The following ADAMTS6 variants were observed in gnomAD, a reference collection of about 807,000 sequenced individuals.
ADAMTS6 encodes A disintegrin and metalloproteinase with thrombospondin motifs 6.
In ADAMTS6, 23 loss-of-function variants were observed where a neutral mutation model predicts 144.3. That is an observed-to-expected ratio of 0.16 (90% confidence interval 0.11 to 0.23). The LOEUF (loss-of-function observed/expected upper bound fraction) is 0.23. Among genes scored for constraint, ADAMTS6 ranks in the 10% least tolerant of loss-of-function variants. ADAMTS6 has a pLI of 1.00. For synonymous variants in ADAMTS6, 444 were observed against 457.5 expected (o/e 0.97, Z 0.38); for missense variants, 999 against 1,379.6 (o/e 0.72, Z 4.37).
intron 21 of ADAMTS6, among the ~76,000 whole-genome samples, chr5:65,194,170 T>G (rs1417847654): frequency 6.6e-6 from 1 of 152,224 alleles, no homozygotes; most frequent in Non-Finnish European, 1.5e-5. Flanking sequence ...CAATGTCAAC[T>G]GGGAATCTCA....
chr5:65,180,704 T>TA (rs11444095), intron 22 of ADAMTS6, among the ~76,000 whole-genome samples: 28,097 of 150,606 alleles, frequency 0.19, 4,865 homozygotes, highest in African/African-American at 0.46. Flanking sequence ...CATTTTGATT[T>TA]AAAAAAAAAA....
chr5:65,422,403 G>A (rs140910114), intron 7 of ADAMTS6, among the ~76,000 whole-genome samples: 112 of 152,298 alleles, frequency 7.4e-4, no homozygotes, highest in East Asian at 3.3e-3. Flanking sequence ...AGTCCAAGGC[G>A]GGCGGATCAC....
intron 24 of ADAMTS6, among the ~76,000 whole-genome samples, chr5:65,162,330 G>A (rs1752825869): frequency 6.6e-6 from 1 of 152,116 alleles, no homozygotes; most frequent in Non-Finnish European, 1.5e-5. Flanking sequence ...CAATGACTTA[G>A]GCTTAATCTA....
chr5:65,443,622 C>CAAAAAA lies in ADAMTS6; in HGVS notation c.1073+7847_1073+7852dup, dbSNP rs59240974. On this transcript the variant is annotated intron_variant, in intron 7 of 24. Transcript: ENST00000381055. ...TAGGCAACAGAGTGAGACCCTGTCT[C>CAAAAAA]AAAAAAAAAAAAAAAAAAAAAAAAA... Among the ~76,000 whole-genome samples the CAAAAAA allele has an allele frequency of 1.0e-4, 7 of 69,122 alleles. 1 individual carries two copies. Among genetic ancestry groups the CAAAAAA allele is most frequent in the Admixed American group, 3.7e-4 (2 of 5,460 alleles). 45.3% of individuals were successfully genotyped at this position (69,122 alleles called of 152,430 possible).
intron 20 of ADAMTS6, among the ~76,000 whole-genome samples, chr5:65,199,340 A>C (rs2112238494): frequency 6.6e-6 from 1 of 152,288 alleles, no homozygotes; most frequent in Admixed American, 6.5e-5. Context: ...TCTTTCTCTA[A>C]CTTAACCCTA....
chr5:65,169,743 G>A (rs1753478364), intron 24 of ADAMTS6, among the ~76,000 whole-genome samples: 1 of 151,672 alleles, frequency 6.6e-6, no homozygotes, highest in South Asian at 2.1e-4. Flanking sequence ...GTAGGGACAT[G>A]GATGAAATTG....
intron 1 of ADAMTS6, 21 bp downstream of exon 1, chr5:65,481,322 A>G (rs917577300): frequency 5.3e-5 from 8 of 151,952 alleles, no homozygotes; most frequent in African/African-American, 1.9e-4. Context: ...GCTCCATTGA[A>G]TATTGTTAAG....
intron 20 of ADAMTS6, among the ~76,000 whole-genome samples, chr5:65,209,651 A>G (rs1756359761): frequency 6.6e-6 from 1 of 152,198 alleles, no homozygotes; most frequent in Non-Finnish European, 1.5e-5. Flanking sequence ...ATTGCTCCCA[A>G]ACTCAATTAA....
intron 9 of ADAMTS6, among the ~76,000 whole-genome samples, chr5:65,310,427 G>A (rs187521407): frequency 6.0e-4 from 92 of 152,296 alleles, no homozygotes; most frequent in African/African-American, 2.2e-3. Flanking sequence ...ATGGGAGGCT[G>A]AGGCAGAAGG....
chr5:65,275,206 T>C (rs1580262849), intron 11 of ADAMTS6, among the ~76,000 whole-genome samples: 1 of 87,780 alleles, frequency 1.1e-5, no homozygotes, highest in East Asian at 3.4e-4. Context: ...AGAATGAGGC[T>C]CTGTGTCAAA....
intron 7 of ADAMTS6, among the ~76,000 whole-genome samples, chr5:65,432,677 T>G (rs558507386): frequency 6.6e-6 from 1 of 152,286 alleles, no homozygotes; most frequent in Admixed American, 6.5e-5. Context: ...TTGTTGAGTT[T>G]GTTTTAACAT....
rs1463203859 is a variant in ADAMTS6, at chr5:65,452,114, T to C, written c.927+19A>G. ...CCTTCTGTTAACAATCTTAGATATATAAACTAACTCATTCTTACCTGATCT... is the reference window on the plus strand; with the variant it reads ...CCTTCTGTTAACAATCTTAGATATACAAACTAACTCATTCTTACCTGATCT... On this transcript the variant is annotated intron_variant, in intron 6 of 24. Coordinates refer to ENST00000381055, the MANE Select transcript of ADAMTS6 (RefSeq NM_197941.4). 2 of 1,587,782 alleles carry C rather than the reference T, an allele frequency of 1.3e-6. No individual in the cohort carries two copies. Among genetic ancestry groups the C allele is most frequent in the African/African-American group, 2.7e-5 (2 of 74,482 alleles).
chr5:65,373,431 C>A (rs1371629879), intron 7 of ADAMTS6, among the ~76,000 whole-genome samples: 3 of 150,272 alleles, frequency 2.0e-5, no homozygotes, highest in Non-Finnish European at 4.4e-5. Context: ...GGGATATCAC[C>A]ACCGATCCCA....
chr5:65,469,255 G>A (rs1189207629), intron 3 of ADAMTS6, among the ~76,000 whole-genome samples: 4 of 151,970 alleles, frequency 2.6e-5, no homozygotes, highest in Non-Finnish European at 4.4e-5. Context: ...CATAGTCTTC[G>A]AATAGGCCCT....
At chr5:65,247,543 C>T (rs1326842763) in intron 14 of ADAMTS6, among the ~76,000 whole-genome samples, 1 of 152,080 alleles carries the variant, frequency 6.6e-6, no homozygotes, top group African/African-American at 2.4e-5. Context: ...CCCCAAAACT[C>T]TTACCTTCAA....
In ADAMTS6 at chr5:65,273,353, T is replaced by C. The variant is rs1316927270; in HGVS notation, c.1607A>G (p.Asn536Ser). Reference sequence around the variant, plus strand: ...CATTGAGCTTACCCCTTTTTCAATATTCCCAGTTTGACACAGTGTCCCCTC... The same window carrying C: ...CATTGAGCTTACCCCTTTTTCAATACTCCCAGTTTGACACAGTGTCCCCTC... The part of the protein sequence containing the change: ...AAEGTLCQTG[N>S]IEKGWCYQGD... Residue 536 changes from asparagine to serine, a missense_variant, in exon 12 of 25, where the codon AAT becomes AGT. Around this residue, in one of 3 missense-constraint regions of ADAMTS6, gnomAD observed 619 missense variants for 837.0 expected, o/e 0.74. Transcript: ENST00000381055. The C allele has an allele frequency of 6.2e-7, 1 of 1,613,708 alleles. No individual in the cohort carries two copies. The highest frequency in any genetic ancestry group is 8.5e-7 in the Non-Finnish European group (1 of 1,179,756).
At chr5:65,197,329 G>A (rs1303938129) in intron 20 of ADAMTS6, among the ~76,000 whole-genome samples, 178 bp from the exon 21 acceptor site, 3 of 152,068 alleles carry the variant, frequency 2.0e-5, no homozygotes, top group Non-Finnish European at 4.4e-5. Flanking sequence ...GAAATTTTAG[G>A]CAAAGTTATT....
intron 2 of ADAMTS6, among the ~76,000 whole-genome samples, chr5:65,471,788 A>C (rs138082317): frequency 4.6e-5 from 7 of 152,150 alleles, no homozygotes; most frequent in Admixed American, 1.3e-4. Context: ...AAACAAAAAC[A>C]AAAACACGTC....
At chr5:65,356,873 T>C (rs75061845) in intron 7 of ADAMTS6, among the ~76,000 whole-genome samples, 4,760 of 151,970 alleles carry the variant, frequency 0.031, 239 homozygotes, top group African/African-American at 0.11. Context: ...TTTCTACCTC[T>C]ACTTTCCTTC....
Sources: gnomAD v4.1 joint callset for allele counts (sites outside exome capture counted in the v4.1 genomes callset) on GRCh38, gnomAD v4.1.1 for gene constraint, gnomAD v4.1.1 regional missense constraint, MANE v1.5 for transcripts, NCBI Gene and HGNC (gene_info 2026-07-23, HGNC 2026-07-21) for gene names.